Variants in GLIS3 observed in about 807,000 individuals in gnomAD.
GLIS3 encodes the protein zinc finger protein GLIS3.
GLIS3 carries 53 observed loss-of-function variants against 78.6 expected under a neutral mutation model. The observed-to-expected ratio is 0.67, with a 90% CI of 0.54 to 0.85. The LOEUF (loss-of-function observed/expected upper bound fraction) is 0.85. Among genes scored for constraint, GLIS3 ranks in the 40% least tolerant of loss-of-function variants. GLIS3 has a pLI of 0.00. For missense variants in GLIS3, 1,703 were observed against 1,231.1 expected (o/e 1.38, Z -5.74); for synonymous variants, 684 against 509.9 (o/e 1.34, Z -4.60).
the GLIS3 span, among the ~76,000 whole-genome samples, chr9:4,431,051 C>A: frequency 1.3e-5 from 2 of 152,156 alleles, no homozygotes; most frequent in African/African-American, 4.8e-5. Context: ...GAATCCCAAC[C>A]AAGTATATGG....
At chr9:3,978,796 A>G (rs1819001173) in intron 4 of GLIS3, among the ~76,000 whole-genome samples, 1 of 152,194 alleles carries the variant, frequency 6.6e-6, no homozygotes, top group Non-Finnish European at 1.5e-5. Flanking sequence ...GCATTTTTAA[A>G]AAAGATTTCA....
chr9:3,937,322 A>G lies in GLIS3; in HGVS notation c.1711-133T>C, dbSNP rs77033244. The G allele has an allele frequency of 3.0e-3, 2,570 of 860,530 alleles. 46 individuals carry two copies. In the African/African-American group the frequency reaches 0.038, roughly 13 times the overall value. The allele number at this position is 860,530 out of a possible 1,614,324, so 53.3% of individuals were successfully genotyped here. Reference sequence around the variant, plus strand: ...AAAATAAAATCAAATCCAAACAGTAATAAATATTGCTCCTAAAAATATCCG... The same window carrying G: ...AAAATAAAATCAAATCCAAACAGTAGTAAATATTGCTCCTAAAAATATCCG... On this transcript the variant is annotated intron_variant, in intron 4 of 10. Transcript: ENST00000381971.
At chr9:4,338,886 A>T (rs761671454) in intron 2 of GLIS3, among the ~76,000 whole-genome samples, 6 of 152,100 alleles carry the variant, frequency 3.9e-5, no homozygotes, top group Non-Finnish European at 8.8e-5. Flanking sequence ...GATTTTTTTT[A>T]AAGCTCCCCA....
chr9:4,001,043 C>T (rs1288196953), intron 4 of GLIS3, among the ~76,000 whole-genome samples: 1 of 152,256 alleles, frequency 6.6e-6, no homozygotes, highest in African/African-American at 2.4e-5. Flanking sequence ...CAACATTTCC[C>T]GTGTGTTAAT....
intron 4 of GLIS3, among the ~76,000 whole-genome samples, chr9:3,981,851 G>A (rs1168477831): frequency 2.0e-5 from 3 of 152,040 alleles, no homozygotes; most frequent in Non-Finnish European, 4.4e-5. Context: ...CCACTTTTTG[G>A]CAAATTGCTT....
intron 9 of GLIS3, among the ~76,000 whole-genome samples, chr9:3,832,802 C>T (rs1432905109): frequency 1.3e-5 from 2 of 152,182 alleles, no homozygotes; most frequent in Non-Finnish European, 2.9e-5. Context: ...TTCCTGATAG[C>T]ACTCCTCAGC....
At chr9:4,074,282 G>T (rs1827872714) in intron 4 of GLIS3, among the ~76,000 whole-genome samples, 1 of 152,190 alleles carries the variant, frequency 6.6e-6, no homozygotes, top group Admixed American at 6.5e-5. Flanking sequence ...CCTAAGCCAT[G>T]ACTTGGTGTC....
At chr9:4,299,258 G>A (rs533140839) in intron 1 of GLIS3, 163 bp downstream of exon 1, 3 of 152,184 alleles carry the variant, frequency 2.0e-5, no homozygotes, top group African/African-American at 7.2e-5. Flanking sequence ...CGGGAGTTGA[G>A]GTGCGCGTAT....
At chr9:4,181,808 T>C (rs533247501) in intron 2 of GLIS3, among the ~76,000 whole-genome samples, 18 of 152,192 alleles carry the variant, frequency 1.2e-4, no homozygotes, top group Non-Finnish European at 1.5e-4. Flanking sequence ...GCTAGCATCC[T>C]TGAGACTGAG....
intron 2 of GLIS3, among the ~76,000 whole-genome samples, chr9:4,208,718 T>C: frequency 6.6e-6 from 1 of 152,224 alleles, no homozygotes; most frequent in Non-Finnish European, 1.5e-5. Flanking sequence ...TTAAAGAGTC[T>C]AACTCTGTGT....
intron 4 of GLIS3, among the ~76,000 whole-genome samples, chr9:4,050,594 A>G (rs1292651456): frequency 6.6e-6 from 1 of 152,188 alleles, no homozygotes; most frequent in Non-Finnish European, 1.5e-5. Flanking sequence ...CTTAAAGTAT[A>G]ATAATAAAAA....
At chr9:3,965,932 G>A (rs183691540) in intron 4 of GLIS3, among the ~76,000 whole-genome samples, 16 of 152,304 alleles carry the variant, frequency 1.1e-4, no homozygotes, top group Middle Eastern at 3.4e-3. Flanking sequence ...TTAAAACCTC[G>A]TTCTTCACTG....
At chr9:4,345,721 T>A (rs1489917872) in intron 2 of GLIS3, among the ~76,000 whole-genome samples, 1 of 152,194 alleles carries the variant, frequency 6.6e-6, no homozygotes, top group Non-Finnish European at 1.5e-5. Flanking sequence ...ACATTTAAAA[T>A]TTAAAAGCCA....
the GLIS3 span, among the ~76,000 whole-genome samples, chr9:4,434,013 G>C: frequency 6.6e-6 from 1 of 150,938 alleles, no homozygotes; most frequent in African/African-American, 2.4e-5. Context: ...GGAGAATGGA[G>C]TGAACCCAGG....
At chr9:3,860,009 C>G (rs1820079231) in intron 8 of GLIS3, among the ~76,000 whole-genome samples, 1 of 151,652 alleles carries the variant, frequency 6.6e-6, no homozygotes, top group African/African-American at 2.4e-5. Context: ...AGCGTGGTGG[C>G]TCACGCCTGT....
chr9:4,487,250 T>C, the GLIS3 span, among the ~76,000 whole-genome samples: 2 of 152,140 alleles, frequency 1.3e-5, no homozygotes, highest in African/African-American at 4.8e-5. Context: ...TCAGAGTGTG[T>C]TAATGACAGG....
At chr9:4,420,439 C>G in the GLIS3 span, among the ~76,000 whole-genome samples, 1 of 152,300 alleles carries the variant, frequency 6.6e-6, no homozygotes, top group East Asian at 1.9e-4. Flanking sequence ...TCTTGAACCT[C>G]AAACCATTAC....
intron 4 of GLIS3, among the ~76,000 whole-genome samples, chr9:3,978,082 C>A (rs746649969): frequency 6.6e-6 from 1 of 151,790 alleles, no homozygotes; most frequent in Non-Finnish European, 1.5e-5. Context: ...GAAGGGAGGA[C>A]TCAATTTGGG....
the GLIS3 span, among the ~76,000 whole-genome samples, chr9:4,392,318 G>C: frequency 6.6e-6 from 1 of 152,144 alleles, no homozygotes; most frequent in Non-Finnish European, 1.5e-5. Flanking sequence ...GTGACGGGTT[G>C]ATAGGTGCTG....
Sources: allele counts gnomAD v4.1 joint callset (sites outside exome capture counted in the v4.1 genomes callset), GRCh38; gene constraint gnomAD v4.1.1; transcripts MANE v1.5; gene names NCBI Gene and HGNC (gene_info 2026-07-23, HGNC 2026-07-21).